Variants in CDH13 observed in about 807,000 individuals in gnomAD.
The protein encoded by CDH13 is cadherin 13.
CDH13 carries 24 observed loss-of-function variants against 63.8 expected under a neutral mutation model. The ratio of observed to expected loss-of-function variants is 0.38; its 90% CI spans 0.27 to 0.53. The LOEUF (loss-of-function observed/expected upper bound fraction) is 0.53, where lower values mean the gene tolerates loss of function less well. Ranked by LOEUF, CDH13 falls within the 20% of genes least tolerant of loss-of-function variation. The probability of loss-of-function intolerance (pLI) is 0.85; values close to 1 mark genes in which losing one functional copy is unlikely to be tolerated. For missense variants in CDH13, 1,049 were observed against 903.1 expected, an observed-to-expected ratio of 1.16 and a Z score of -2.07; for synonymous variants, 503 against 355.3, an observed-to-expected ratio of 1.42 and a Z score of -4.67.
At chr16:82,963,001 C>T (rs1237470337) in intron 2 of CDH13, among the ~76,000 whole-genome samples, 1 of 152,052 alleles carries the variant, frequency 6.6e-6, no homozygotes. Context: ...TTGTAATTAA[C>T]AAATGATCAT....
intron 1 of CDH13, among the ~76,000 whole-genome samples, chr16:82,673,076 A>T (rs977131067): frequency 2.3e-5 from 3 of 131,994 alleles, no homozygotes; most frequent in African/African-American, 8.7e-5. Context: ...TCCTGGGCTC[A>T]AGCAATCTTT....
intron 11 of CDH13, among the ~76,000 whole-genome samples, chr16:83,766,666 G>T (rs1349405317): frequency 1.3e-5 from 2 of 152,296 alleles, no homozygotes; most frequent in Non-Finnish European, 2.9e-5. Context: ...GCTAACTTCT[G>T]AAAGTTTGTG....
intron 6 of CDH13, among the ~76,000 whole-genome samples, chr16:83,371,944 C>T (rs755196044): frequency 3.3e-5 from 5 of 152,182 alleles, no homozygotes; most frequent in East Asian, 3.8e-4. Flanking sequence ...TAATCATCCC[C>T]CGGACCGTAT....
chr16:82,988,295 A>G (rs1055368837), intron 2 of CDH13, among the ~76,000 whole-genome samples: 1 of 152,358 alleles, frequency 6.6e-6, no homozygotes, highest in South Asian at 2.1e-4. Flanking sequence ...GGGGGCATCC[A>G]AGGTGAGGAG....
At chr16:83,482,583 C>T (rs990275931) in intron 6 of CDH13, among the ~76,000 whole-genome samples, 1 of 152,192 alleles carries the variant, frequency 6.6e-6, no homozygotes, top group Admixed American at 6.5e-5. Flanking sequence ...TTTATCCAGC[C>T]TTTGCAGAAC....
chr16:83,618,151 A>G (rs1029438797), intron 8 of CDH13, among the ~76,000 whole-genome samples: 2 of 152,140 alleles, frequency 1.3e-5, no homozygotes, highest in African/African-American at 2.4e-5. Context: ...GCGGCCAGGC[A>G]TGGTGGCTCA....
chr16:83,200,848 A>G (rs962380022), intron 4 of CDH13, among the ~76,000 whole-genome samples: 1 of 152,114 alleles, frequency 6.6e-6, no homozygotes, highest in Non-Finnish European at 1.5e-5. Flanking sequence ...GAAGAGAGAT[A>G]TTCATCCAAG....
chr16:82,639,657 G>A (rs1450798355), intron 1 of CDH13, among the ~76,000 whole-genome samples: 2 of 152,206 alleles, frequency 1.3e-5, no homozygotes, highest in African/African-American at 4.8e-5. Flanking sequence ...GTGGCAATTG[G>A]ATTGAATGTA....
Position 83,486,469 on chromosome 16 carries a change from C to G in CDH13, c.782-8C>G. 6.2e-7 allele frequency: 1 copy of G among 1,609,772 alleles called. No homozygotes were observed. The highest frequency in any genetic ancestry group is 8.5e-7 in the Non-Finnish European group (1 of 1,177,340). ...ACCATTCCGTGCCTTTCTGTCTTGC[C>G]CCGGTAGGCACCACAGTGATGCGGA... On this transcript the variant is annotated splice_polypyrimidine_tract_variant and splice_region_variant and intron_variant, in intron 6 of 13. Coordinates refer to ENST00000567109, the MANE Select transcript of CDH13 (RefSeq NM_001257.5).
chr16:83,000,586 T>TTG (rs1555558682), intron 2 of CDH13, among the ~76,000 whole-genome samples: 39 of 149,674 alleles, frequency 2.6e-4, no homozygotes, highest in African/African-American at 7.9e-4. Context: ...TTTTTTTTTT[T>TTG]TTTTGTTTTG....
At chr16:83,550,206 T>C (rs1329265683) in intron 7 of CDH13, among the ~76,000 whole-genome samples, 1 of 152,134 alleles carries the variant, frequency 6.6e-6, no homozygotes, top group Non-Finnish European at 1.5e-5. Context: ...CCCAAGTACT[T>C]GAGAGGGACA....
chr16:82,650,603 G>A (rs539796483), intron 1 of CDH13, among the ~76,000 whole-genome samples: 1 of 152,262 alleles, frequency 6.6e-6, no homozygotes, highest in East Asian at 1.9e-4. Flanking sequence ...GTTGGGATGA[G>A]GAGATTCAGT....
At chr16:83,064,615 C>T (rs1352644207) in intron 3 of CDH13, among the ~76,000 whole-genome samples, 2 of 152,020 alleles carry the variant, frequency 1.3e-5, no homozygotes, top group African/African-American at 4.8e-5. Context: ...TAACTTTTTC[C>T]ATACTAAGTT....
At chr16:82,646,457 G>C (rs1910106025) in intron 1 of CDH13, 3 of 152,334 alleles carry the variant, frequency 2.0e-5, no homozygotes, top group Admixed American at 2.0e-4. Context: ...ACCTCCCAAA[G>C]TGCTAGGATT....
chr16:82,679,784 A>G (rs1282626348), intron 1 of CDH13, among the ~76,000 whole-genome samples: 1 of 152,252 alleles, frequency 6.6e-6, no homozygotes, highest in East Asian at 1.9e-4. Flanking sequence ...GTAACTGAAC[A>G]TAATAATACT....
intron 2 of CDH13, among the ~76,000 whole-genome samples, chr16:83,013,755 C>T (rs1040140062): frequency 1.3e-5 from 2 of 152,164 alleles, no homozygotes; most frequent in Non-Finnish European, 2.9e-5. Flanking sequence ...TACTGTTTGT[C>T]AAGCTCTGTG....
At chr16:83,773,509 C>T (rs561184972) in intron 11 of CDH13, among the ~76,000 whole-genome samples, 3 of 152,072 alleles carry the variant, frequency 2.0e-5, no homozygotes, top group Non-Finnish European at 4.4e-5. Context: ...TAAAACCATC[C>T]GATCTCATGA....
At chr16:83,501,282 C>G (rs1028638710) in intron 7 of CDH13, among the ~76,000 whole-genome samples, 5 of 152,214 alleles carry the variant, frequency 3.3e-5, no homozygotes, top group African/African-American at 1.2e-4. Flanking sequence ...AATGGCATTT[C>G]TGCTTATGGG....
chr16:82,713,562 C>G (rs1649196847), intron 1 of CDH13, among the ~76,000 whole-genome samples: 1 of 152,032 alleles, frequency 6.6e-6, no homozygotes, highest in Non-Finnish European at 1.5e-5. Flanking sequence ...AGAGTACGGA[C>G]TCAGAGGTTG....
Sources: gnomAD v4.1 joint callset for allele counts (sites outside exome capture counted in the v4.1 genomes callset) on GRCh38, gnomAD v4.1.1 for gene constraint, MANE v1.5 for transcripts, NCBI Gene and HGNC (gene_info 2026-07-23, HGNC 2026-07-21) for gene names.